The following CDK15 variants were observed in gnomAD, a reference collection of about 807,000 sequenced individuals.
CDK15 encodes the protein cyclin-dependent kinase 15.
In CDK15, 62 loss-of-function variants were observed where a neutral mutation model predicts 60.3. The ratio of observed to expected loss-of-function variants is 1.03; its 90% CI spans 0.84 to 1.27. The LOEUF (loss-of-function observed/expected upper bound fraction) is 1.27, where lower values mean the gene tolerates loss of function less well. Ranked by LOEUF, CDK15 falls within the 50% of genes most tolerant of loss-of-function variation. CDK15 has a pLI of 0.00. For synonymous variants in CDK15, 194 were observed against 195.7 expected, an observed-to-expected ratio of 0.99 and a Z score of 0.07; for missense variants, 541 against 527.8, an observed-to-expected ratio of 1.03 and a Z score of -0.25.
At chr2:201,886,265 A>ATTTTC (rs1699446166) in intron 12 of CDK15, among the ~76,000 whole-genome samples, 1 of 151,874 alleles carries the variant, frequency 6.6e-6, no homozygotes, top group African/African-American at 2.4e-5. Context: ...ATCTTACTTT[A>ATTTTC]GTTTATTTTC....
intron 12 of CDK15, among the ~76,000 whole-genome samples, chr2:201,883,715 T>G (rs1319849988): frequency 6.6e-6 from 1 of 152,234 alleles, no homozygotes; most frequent in East Asian, 1.9e-4. Flanking sequence ...TAATTGCTTT[T>G]GCAGATGGCC....
chr2:201,822,775 A>G (rs1483012860), intron 4 of CDK15, 34 bp from the exon 5 acceptor site: 10 of 1,247,802 alleles, frequency 8.0e-6, no homozygotes, highest in Non-Finnish European at 1.2e-5. Context: ...TTCATTATCA[A>G]TGATGGATTT....
At chr2:201,859,531 T>C (rs1010438397) in intron 10 of CDK15, among the ~76,000 whole-genome samples, 3 of 152,130 alleles carry the variant, frequency 2.0e-5, no homozygotes, top group East Asian at 3.9e-4. Flanking sequence ...AGAATACCAT[T>C]CTGGATGAGA....
chr2:201,880,503 C>T (rs1037642298), intron 12 of CDK15, among the ~76,000 whole-genome samples: 1 of 152,222 alleles, frequency 6.6e-6, no homozygotes, highest in African/African-American at 2.4e-5. Context: ...TACCATCTGC[C>T]AGGAAGCCAC....
chr2:201,819,442 A>G (rs1405672187), intron 4 of CDK15, among the ~76,000 whole-genome samples: 1 of 152,206 alleles, frequency 6.6e-6, no homozygotes, highest in Non-Finnish European at 1.5e-5. Context: ...CACAGCCAAC[A>G]GTAGGGTGGG....
intron 11 of CDK15, among the ~76,000 whole-genome samples, chr2:201,879,253 A>G (rs1220302301): frequency 1.3e-5 from 2 of 152,220 alleles, no homozygotes; most frequent in Admixed American, 6.5e-5. Context: ...TGAGCTTCAG[A>G]AATGCTGCAA....
At chr2:201,839,579 G>T (rs1409113987) in intron 8 of CDK15, among the ~76,000 whole-genome samples, 1 of 152,074 alleles carries the variant, frequency 6.6e-6, no homozygotes, top group African/African-American at 2.4e-5. Flanking sequence ...GGATACTTTG[G>T]TTCTCAGAAA....
intron 12 of CDK15, among the ~76,000 whole-genome samples, chr2:201,880,582 C>T (rs1574937822): frequency 6.6e-6 from 1 of 152,162 alleles, no homozygotes; most frequent in African/African-American, 2.4e-5. Flanking sequence ...GCGGATATGT[C>T]CTGAGAGGGA....
rs547377953 is a variant in CDK15, at chr2:201,848,889, AAGG to A, written c.945+1417_945+1419del. Among the ~76,000 whole-genome samples, 16 of 152,276 alleles carry A rather than the reference AAGG, an allele frequency of 1.1e-4. No individual in the cohort carries two copies. The South Asian group carries it at 3.3e-3, about 32-fold the overall frequency. ...TTCTAGAAACATGGGGGCTATTATGAAGGAACATGGGAAAAACTGGGAAGCATT... is the reference window on the plus strand; with the variant it reads ...TTCTAGAAACATGGGGGCTATTATGAAACATGGGAAAAACTGGGAAGCATT... On this transcript the variant is annotated intron_variant, in intron 9 of 13. Coordinates refer to ENST00000652192, the MANE Select transcript of CDK15 (RefSeq NM_001366386.2).
intron 10 of CDK15, among the ~76,000 whole-genome samples, chr2:201,864,696 C>T (rs1197951399): frequency 1.3e-5 from 2 of 152,148 alleles, no homozygotes; most frequent in South Asian, 2.1e-4. Flanking sequence ...CCACTGTGCC[C>T]GGCCACCCCT....
At position 201,822,851 on chromosome 2, in the gene CDK15, T is replaced by C. The variant is rs144339303; in HGVS notation, c.491T>C (p.Leu164Pro). The C allele has an allele frequency of 9.9e-6, 16 of 1,613,366 alleles. No individual in the cohort carries two copies. The highest frequency in any genetic ancestry group is 1.3e-5 in the African/African-American group (1 of 74,924). ...KGLKHANIVLLHDIIHTKETL... is the reference protein window; with the variant it reads ...KGLKHANIVLPHDIIHTKETL... Reference sequence around the variant, plus strand: ...TTGAAACATGCCAATATTGTGCTCCTGCATGACATAATCCACACCAAAGAG... The same window carrying C: ...TTGAAACATGCCAATATTGTGCTCCCGCATGACATAATCCACACCAAAGAG... Residue 164 changes from leucine to proline, a missense_variant, in exon 5 of 14, where the codon CTG becomes CCG. Physicochemically the swap from Leu to Pro is moderately conservative, Grantham distance 98 (BLOSUM62 -3). Coordinates refer to ENST00000652192, the MANE Select transcript of CDK15 (RefSeq NM_001366386.2).
chr2:201,828,980 T>A (rs1379064456), intron 6 of CDK15, among the ~76,000 whole-genome samples: 2 of 152,166 alleles, frequency 1.3e-5, no homozygotes, highest in Admixed American at 6.5e-5. Context: ...CAAAAAGACA[T>A]CACTTTGGAG....
chr2:201,830,880 T>G (rs1254725288), intron 6 of CDK15, among the ~76,000 whole-genome samples: 1 of 152,178 alleles, frequency 6.6e-6, no homozygotes, highest in Non-Finnish European at 1.5e-5. Context: ...GAGGAAGTTA[T>G]AGAAAAACTA....
At position 201,893,327 on chromosome 2, in the gene CDK15, C is replaced by G. The variant is rs1458176675; in HGVS notation, c.*60C>G. ...GCTGTATTTCTGCAGTTTCGGTTTTCATTTGCTTCAGCTTACTAAGAAGCT... is the reference window on the plus strand; with the variant it reads ...GCTGTATTTCTGCAGTTTCGGTTTTGATTTGCTTCAGCTTACTAAGAAGCT... On this transcript the variant is annotated 3_prime_UTR_variant, in exon 14 of 14. Transcript: ENST00000652192. 1 of 152,088 alleles carries G rather than the reference C, an allele frequency of 6.6e-6. No homozygotes were observed. Among genetic ancestry groups the G allele is most frequent in the Non-Finnish European group, 1.5e-5 (1 of 68,014 alleles). The allele number at this position is 152,088 out of a possible 1,614,324, so 9.4% of individuals were successfully genotyped here. A position where few individuals can be genotyped will look rare whatever the true frequency, so the allele number is the denominator to read the frequency against.
At position 201,880,233 on chromosome 2, in the gene CDK15, G is replaced by T. The variant is rs535192193; in HGVS notation, c.1198+66G>T. ...GTGAGTGCGTGTGTGTGTAAGTCTT[G>T]GTGTCTTAAGTAGTTTGCCTCAGCA... On this transcript the variant is annotated intron_variant, in intron 12 of 13. Coordinates refer to ENST00000652192, the MANE Select transcript of CDK15 (RefSeq NM_001366386.2). The T allele has an allele frequency of 1.3e-5, 20 of 1,569,414 alleles. No homozygotes were observed. In the East Asian group the frequency reaches 4.4e-4, roughly 34 times the overall value.
intron 13 of CDK15, among the ~76,000 whole-genome samples, chr2:201,891,444 TAACA>T (rs377387890): frequency 2.6e-5 from 4 of 152,194 alleles, no homozygotes; most frequent in Admixed American, 1.3e-4. Context: ...CTGGTAAGGG[TAACA>T]AACAAAGTTT....
chr2:201,869,845 G>T (rs890204356), intron 10 of CDK15, among the ~76,000 whole-genome samples: 3 of 152,204 alleles, frequency 2.0e-5, no homozygotes. Flanking sequence ...GAAATATTTT[G>T]ATTTTGTTTG....
chr2:201,807,779 A>G (rs1202489457), intron 2 of CDK15, 79 bp from the exon 3 acceptor site: 6 of 1,534,074 alleles, frequency 3.9e-6, no homozygotes, highest in Admixed American at 2.0e-5. Context: ...TTCCCTGGGG[A>G]AAAAAAGTCA....
At chr2:201,879,627 A>G (rs1395990123) in intron 11 of CDK15, among the ~76,000 whole-genome samples, 1 of 152,040 alleles carries the variant, frequency 6.6e-6, no homozygotes, top group African/African-American at 2.4e-5. Flanking sequence ...TGATCTGCCT[A>G]CCTCAGCCTC....
Sources: gnomAD v4.1 joint callset for allele counts (sites outside exome capture counted in the v4.1 genomes callset) on GRCh38, gnomAD v4.1.1 for gene constraint, MANE v1.5 for transcripts, NCBI Gene and HGNC (gene_info 2026-07-23, HGNC 2026-07-21) for gene names.